Variants in SUGCT observed in about 807,000 individuals in gnomAD.
SUGCT encodes succinyl-CoA:glutarate CoA-transferase.
SUGCT carries 41 observed loss-of-function variants against 55.0 expected under a neutral mutation model. That is an observed-to-expected ratio of 0.74 (90% CI 0.58 to 0.97). The LOEUF is 0.97. SUGCT is among the 50% of genes least tolerant of loss of function. The probability of loss-of-function intolerance (pLI) is 0.00; values close to 1 mark genes in which losing one functional copy is unlikely to be tolerated. For missense variants in SUGCT, 568 were observed against 547.8 expected, an observed-to-expected ratio of 1.04 and a Z score of -0.37; for synonymous variants, 187 against 200.4, an observed-to-expected ratio of 0.93 and a Z score of 0.56.
At chr7:40,335,782 A>G (rs558569898) in intron 9 of SUGCT, among the ~76,000 whole-genome samples, 6 of 152,126 alleles carry the variant, frequency 3.9e-5, no homozygotes, top group East Asian at 1.9e-4. Flanking sequence ...TTCCAACACT[A>G]TGTTGAATAG....
chr7:40,666,346 T>C (rs2151862124), intron 12 of SUGCT, among the ~76,000 whole-genome samples: 1 of 97,346 alleles, frequency 1.0e-5, no homozygotes, highest in South Asian at 2.9e-4. Flanking sequence ...AGACTCTGTC[T>C]CAAGAAAGAA....
chr7:40,521,967 C>T (rs1793555866), intron 12 of SUGCT, among the ~76,000 whole-genome samples: 1 of 152,078 alleles, frequency 6.6e-6, no homozygotes, highest in African/African-American at 2.4e-5. Flanking sequence ...CTTCTATATT[C>T]TGTTTTGTGA....
the SUGCT span, among the ~76,000 whole-genome samples, chr7:40,968,581 C>A: frequency 1.3e-5 from 2 of 152,246 alleles, no homozygotes; most frequent in African/African-American, 4.8e-5. Flanking sequence ...GGTTCAGCTC[C>A]TGAAGCCTCT....
At chr7:40,141,318 T>G (rs1787968266) in intron 1 of SUGCT, among the ~76,000 whole-genome samples, 1 of 152,040 alleles carries the variant, frequency 6.6e-6, no homozygotes, top group South Asian at 2.1e-4. Flanking sequence ...GATTTATAAA[T>G]TTTTGACAGA....
chr7:40,910,778 A>G, the SUGCT span, among the ~76,000 whole-genome samples: 1 of 152,174 alleles, frequency 6.6e-6, no homozygotes, highest in African/African-American at 2.4e-5. Context: ...TATGACCAGC[A>G]CCCAGCATAG....
chr7:40,505,229 C>G (rs188573382), intron 12 of SUGCT, among the ~76,000 whole-genome samples: 261 of 152,052 alleles, frequency 1.7e-3, no homozygotes, highest in South Asian at 3.5e-3. Flanking sequence ...TATTTCCAAC[C>G]TGTTTGTAAC....
chr7:40,322,168 A>G (rs1276391095), intron 9 of SUGCT, among the ~76,000 whole-genome samples: 2 of 152,214 alleles, frequency 1.3e-5, no homozygotes, highest in East Asian at 3.9e-4. Context: ...TCACCTTTCT[A>G]ACCATATCCT....
At chr7:40,742,650 C>A (rs887972726) in intron 12 of SUGCT, among the ~76,000 whole-genome samples, 3 of 150,780 alleles carry the variant, frequency 2.0e-5, no homozygotes, top group African/African-American at 7.3e-5. Context: ...GGTTTGTGGA[C>A]CCCCATACCA....
chr7:40,448,072 G>A (rs1225769881), intron 9 of SUGCT, among the ~76,000 whole-genome samples: 3 of 152,068 alleles, frequency 2.0e-5, no homozygotes, highest in Admixed American at 2.0e-4. Context: ...ACATTTTTAG[G>A]TACATAAAGC....
At chr7:40,176,172 C>T (rs1204644408) in intron 1 of SUGCT, among the ~76,000 whole-genome samples, 1 of 151,478 alleles carries the variant, frequency 6.6e-6, no homozygotes, top group East Asian at 1.9e-4. Context: ...GTGGAGGTTG[C>T]AGTGAGCTGA....
At chr7:40,972,896 A>G in the SUGCT span, among the ~76,000 whole-genome samples, 3 of 152,218 alleles carry the variant, frequency 2.0e-5, no homozygotes, top group African/African-American at 7.2e-5. Context: ...CCAAATTACC[A>G]TCTAGAAACT....
At chr7:40,250,039 G>A (rs375932458) in intron 7 of SUGCT, among the ~76,000 whole-genome samples, 62 of 152,140 alleles carry the variant, frequency 4.1e-4, no homozygotes, top group African/African-American at 1.3e-3. Context: ...AGCCTGCCTC[G>A]GCCTCCCAAA....
At chr7:40,488,622 C>T (rs893554109) in intron 11 of SUGCT, among the ~76,000 whole-genome samples, 7 of 152,118 alleles carry the variant, frequency 4.6e-5, no homozygotes, top group African/African-American at 1.7e-4. Context: ...TTTCTTTCAG[C>T]TTGAAGAACG....
intron 1 of SUGCT, among the ~76,000 whole-genome samples, chr7:40,174,067 G>A (rs1184990540): frequency 6.6e-6 from 1 of 151,806 alleles, no homozygotes; most frequent in African/African-American, 2.4e-5. Context: ...CTGTCCCCCA[G>A]GCTGGAGTGC....
chr7:40,648,215 G>A (rs759982805), intron 12 of SUGCT, among the ~76,000 whole-genome samples: 8 of 151,988 alleles, frequency 5.3e-5, no homozygotes, highest in Admixed American at 1.3e-4. Flanking sequence ...AGATTTTTCT[G>A]TATATATATA....
intron 1 of SUGCT, among the ~76,000 whole-genome samples, chr7:40,147,083 T>C (rs1304614492): frequency 1.3e-5 from 2 of 151,834 alleles, no homozygotes. Context: ...TCTCTCTCTC[T>C]CTCCCTCTCT....
chr7:40,336,973 A>G (rs927604852), intron 9 of SUGCT, among the ~76,000 whole-genome samples: 4 of 152,198 alleles, frequency 2.6e-5, no homozygotes, highest in African/African-American at 9.6e-5. Context: ...GGTTTCAAAG[A>G]ACATCTTTAT....
intron 13 of SUGCT, among the ~76,000 whole-genome samples, chr7:40,840,580 G>A (rs1475742264): frequency 1.3e-5 from 2 of 151,654 alleles, no homozygotes; most frequent in African/African-American, 2.4e-5. Context: ...AAAATTTATA[G>A]CACTAAATGT....
intron 7 of SUGCT, among the ~76,000 whole-genome samples, chr7:40,269,477 T>C (rs1791859085): frequency 6.6e-6 from 1 of 151,972 alleles, no homozygotes; most frequent in African/African-American, 2.4e-5. Context: ...TGTGCACCAC[T>C]ATGTCTGGCT....
Sources: allele counts gnomAD v4.1 joint callset (sites outside exome capture counted in the v4.1 genomes callset), GRCh38; gene constraint gnomAD v4.1.1; transcripts MANE v1.5; gene names NCBI Gene and HGNC (gene_info 2026-07-23, HGNC 2026-07-21).